The following RBM33 variants were observed in gnomAD, a reference collection of about 807,000 sequenced individuals.
The protein encoded by RBM33 is RNA-binding protein 33.
In RBM33, 28 loss-of-function variants were observed where a neutral mutation model predicts 132.6. That is an observed-to-expected ratio of 0.21 (90% CI 0.16 to 0.29). The LOEUF is 0.29. Ranked by LOEUF, RBM33 falls within the 10% of genes least tolerant of loss-of-function variation. The probability of loss-of-function intolerance (pLI) is 1.00; values close to 1 mark genes in which losing one functional copy is unlikely to be tolerated. For missense variants in RBM33, 1,291 were observed against 1,518.5 expected, an observed-to-expected ratio of 0.85 and a Z score of 2.49; for synonymous variants, 634 against 593.0, an observed-to-expected ratio of 1.07 and a Z score of -1.01.
intron 14 of RBM33, chr7:155,746,612 G>C (rs971037447): frequency 6.6e-6 from 1 of 152,184 alleles, no homozygotes; most frequent in Non-Finnish European, 1.5e-5. Context: ...CCATAAAGAA[G>C]TGATCTGTAG....
intron 8 of RBM33, among the ~76,000 whole-genome samples, chr7:155,713,291 G>T (rs1366918858): frequency 1.3e-5 from 2 of 152,108 alleles, no homozygotes; most frequent in Non-Finnish European, 2.9e-5. Context: ...TGGGCTCAAA[G>T]TACAGGTCAG....
intron 16 of RBM33, among the ~76,000 whole-genome samples, chr7:155,769,066 A>G (rs553577526): frequency 2.3e-4 from 35 of 152,348 alleles, no homozygotes; most frequent in African/African-American, 8.4e-4. Flanking sequence ...TTTCAAAGAC[A>G]TTTATCTATA....
chr7:155,780,782 A>ACTCCATCACCT lies in RBM33; in HGVS notation c.*5745_*5755dup, dbSNP rs149385956. On this transcript the variant is annotated 3_prime_UTR_variant, in exon 18 of 18. Coordinates refer to ENST00000401878, the MANE Select transcript of RBM33 (RefSeq NM_053043.3). ...TGACGATTTTCACACTGTGTTTACC[A>ACTCCATCACCT]CTCCATCACCTCTCAACCTTTGCTT... is the stretch of plus-strand genomic sequence containing the variant. The ACTCCATCACCT allele has an allele frequency of 0.44, 65,801 of 150,618 alleles. 16,274 individuals carry two copies. The highest frequency in any genetic ancestry group is 0.65 in the South Asian group (3,092 of 4,772). 9.3% of individuals were successfully genotyped at this position (150,618 alleles called of 1,614,324 possible).
intron 13 of RBM33, among the ~76,000 whole-genome samples, chr7:155,744,529 C>G (rs1408121346): frequency 6.6e-6 from 1 of 152,144 alleles, no homozygotes; most frequent in African/African-American, 2.4e-5. Context: ...AAATTCTGCA[C>G]GAAAAATCAA....
At chr7:155,738,531 A>G (rs3735577) in intron 11 of RBM33, 128 bp downstream of exon 11, 36,974 of 923,820 alleles carry the variant, frequency 0.04, 1,202 homozygotes, top group African/African-American at 0.14. Flanking sequence ...TATTAGTCTC[A>G]AATGTACTGT....
In RBM33 at chr7:155,708,867, C is replaced by T. The variant is rs192270166; in HGVS notation, c.948+1799C>T. The stretch of plus-strand genomic sequence containing the variant: ...CTATTTTGTCTCTTTGAGTCTTGAC[C>T]CCCAAAGTTTTGGAAAGAATATTTT... On this transcript the variant is annotated intron_variant, in intron 7 of 17. Coordinates refer to ENST00000401878, the MANE Select transcript of RBM33 (RefSeq NM_053043.3). 1.8e-3 allele frequency among the ~76,000 whole-genome samples: 274 copies of T among 152,140 alleles called. 8 individuals carry two copies. The South Asian group carries it at 0.048, about 27-fold the overall frequency.
chr7:155,772,066 A>G (rs1168042907), intron 16 of RBM33, among the ~76,000 whole-genome samples: 1 of 152,250 alleles, frequency 6.6e-6, no homozygotes, highest in Non-Finnish European at 1.5e-5. Flanking sequence ...TTTAGACAAG[A>G]TAAGTTTAGA....
intron 5 of RBM33, among the ~76,000 whole-genome samples, chr7:155,686,066 T>C (rs1799469524): frequency 1.3e-5 from 2 of 152,252 alleles, no homozygotes; most frequent in Admixed American, 1.3e-4. Context: ...GTGTGTGCTT[T>C]CTTCTCTCTT....
chr7:155,740,307 A>G (rs78402028), intron 12 of RBM33, among the ~76,000 whole-genome samples: 8,815 of 152,326 alleles, frequency 0.058, 251 homozygotes, highest in African/African-American at 0.081. Context: ...ATAGCAATAG[A>G]CAGGAATTAA....
At chr7:155,674,696 T>C (rs1799127832) in intron 3 of RBM33, among the ~76,000 whole-genome samples, 1 of 152,226 alleles carries the variant, frequency 6.6e-6, no homozygotes, top group Admixed American at 6.5e-5. Flanking sequence ...ATCTTACTTT[T>C]CTCAGTTGAG....
chr7:155,654,075 G>A (rs1202996819), intron 1 of RBM33, among the ~76,000 whole-genome samples: 1 of 152,170 alleles, frequency 6.6e-6, no homozygotes, highest in Non-Finnish European at 1.5e-5. Flanking sequence ...TGAGTGAAGT[G>A]TAATAATACA....
chr7:155,714,930 AG>A (rs906478597), intron 8 of RBM33, among the ~76,000 whole-genome samples: 88 of 151,216 alleles, frequency 5.8e-4, no homozygotes, highest in African/African-American at 2.1e-3. Context: ...AGTGTAAGGG[AG>A]GGGGGCGCCT....
At chr7:155,707,801 C>T (rs1366496926) in intron 7 of RBM33, among the ~76,000 whole-genome samples, 1 of 152,174 alleles carries the variant, frequency 6.6e-6, no homozygotes, top group Non-Finnish European at 1.5e-5. Context: ...GGATTACAGG[C>T]ACTTACCACC....
At chr7:155,766,378 T>G in intron 15 of RBM33, 89 bp from the exon 16 acceptor site, 1 of 1,386,362 alleles carries the variant, frequency 7.2e-7, no homozygotes, top group Admixed American at 2.3e-5. Context: ...TTTAATGGAT[T>G]CTAAGTTATT....
intron 5 of RBM33, among the ~76,000 whole-genome samples, chr7:155,696,680 G>A (rs1799802837): frequency 6.6e-6 from 1 of 151,980 alleles, no homozygotes; most frequent in Admixed American, 6.6e-5. Flanking sequence ...TCCTTATTGT[G>A]AATTAAATTA....
intron 14 of RBM33, among the ~76,000 whole-genome samples, chr7:155,755,561 T>C (rs1801821945): frequency 6.6e-6 from 1 of 152,222 alleles, no homozygotes; most frequent in African/African-American, 2.4e-5. Flanking sequence ...ATTTGTCAAG[T>C]GTTGTCACTC....
chr7:155,693,798 A>G (rs1799714355), intron 5 of RBM33, among the ~76,000 whole-genome samples: 1 of 152,156 alleles, frequency 6.6e-6, no homozygotes, highest in African/African-American at 2.4e-5. Flanking sequence ...CATGCGCATA[A>G]TACTGTTTTA....
intron 9 of RBM33, among the ~76,000 whole-genome samples, chr7:155,737,168 C>T (rs1353133666): frequency 2.6e-5 from 4 of 152,116 alleles, no homozygotes; most frequent in African/African-American, 4.8e-5. Flanking sequence ...TAACATGCTG[C>T]GCTGGTATGT....
chr7:155,645,507 G>A (rs1204975098), intron 1 of RBM33, among the ~76,000 whole-genome samples: 1 of 152,238 alleles, frequency 6.6e-6, no homozygotes, highest in Admixed American at 6.5e-5. Flanking sequence ...AGTGTTTTAT[G>A]TGCGTCTTCC....
Sources: allele counts gnomAD v4.1 joint callset (sites outside exome capture counted in the v4.1 genomes callset), GRCh38; gene constraint gnomAD v4.1.1; transcripts MANE v1.5; gene names NCBI Gene and HGNC (gene_info 2026-07-23, HGNC 2026-07-21).